CRISP2: variants seen among roughly 807,000 people sequenced by gnomAD.
CRISP2 encodes cysteine-rich secretory protein 2.
In CRISP2, 29 loss-of-function variants were observed where a neutral mutation model predicts 31.7. The ratio of observed to expected loss-of-function variants is 0.92; its 90% CI spans 0.68 to 1.25. CRISP2 has a LOEUF of 1.25. CRISP2 is among the 50% of genes most tolerant of loss of function. CRISP2 has a pLI of 0.00. For missense variants in CRISP2, 318 were observed against 286.5 expected (o/e 1.11, Z -0.79); for synonymous variants, 111 against 101.4 (o/e 1.09, Z -0.57).
At chr6:49,682,609 TTC>T in the CRISP2 span, among the ~76,000 whole-genome samples, 3 of 67,460 alleles carry the variant, frequency 4.4e-5, no homozygotes, top group Admixed American at 4.9e-4. Context: ...CTTTCTTTCT[TTC>T]TTTCTTTCTT....
intron 3 of CRISP2, 143 bp from the exon 4 acceptor site, chr6:49,709,348 G>T (rs1475695756): frequency 2.8e-6 from 2 of 708,286 alleles, no homozygotes; most frequent in Non-Finnish European, 2.3e-6. Context: ...AAGAAGAATT[G>T]CCCTATGGTA....
At position 49,692,581 on chromosome 6, in the gene CRISP2, G is replaced by A. The variant is rs962303513; in HGVS notation, c.*192C>T. 1 of 502,600 alleles carries A rather than the reference G, an allele frequency of 2.0e-6. No homozygotes were observed. Among genetic ancestry groups the A allele is most frequent in the Non-Finnish European group, 3.5e-6 (1 of 286,142 alleles). 31.1% of individuals were successfully genotyped at this position (502,600 alleles called of 1,614,324 possible). ...CACTAAATTTATGTCAGAGTTCACA[G>A]TTGTCATCATCTACTATGCTACTTT... On this transcript the variant is annotated 3_prime_UTR_variant, in exon 10 of 10. Coordinates refer to ENST00000339139, the MANE Select transcript of CRISP2 (RefSeq NM_003296.4).
At chr6:49,709,253 A>C in intron 3 of CRISP2, 48 bp from the exon 4 acceptor site, 2 of 1,534,734 alleles carry the variant, frequency 1.3e-6, no homozygotes, top group East Asian at 2.2e-5. Flanking sequence ...TAGTTTAAAA[A>C]ACTTCTAAGA....
rs1320113097 is a variant in CRISP2 at position 49,695,831 on chromosome 6, C to A, written c.604+5G>T. ...ATAATAGCAAGCTAATCACTTCAAA[C>A]TTACTGCATAGTCCTTTGTCACAGT... is the stretch of plus-strand genomic sequence containing the variant. On this transcript the variant is annotated splice_donor_5th_base_variant and intron_variant, in intron 9 of 9. Transcript: ENST00000339139. 1.9e-6 allele frequency: 3 copies of A among 1,595,460 alleles called. No individual in the cohort carries two copies. In the East Asian group the frequency reaches 6.7e-5, roughly 36 times the overall value.
At chr6:49,677,068 C>G in the CRISP2 span, among the ~76,000 whole-genome samples, 1 of 152,130 alleles carries the variant, frequency 6.6e-6, no homozygotes, top group Non-Finnish European at 1.5e-5. Flanking sequence ...AAAGGGCAAG[C>G]TGGCTTAATG....
intron 6 of CRISP2, 65 bp from the exon 7 acceptor site, chr6:49,698,572 A>T: frequency 6.6e-7 from 1 of 1,515,230 alleles, no homozygotes; most frequent in East Asian, 2.3e-5. Context: ...TTGACTACAC[A>T]AACACAAAGA....
chr6:49,689,365 T>C (rs1263537635), downstream of CRISP2, among the ~76,000 whole-genome samples: 1 of 152,194 alleles, frequency 6.6e-6, no homozygotes, highest in Non-Finnish European at 1.5e-5. Context: ...TACTTATGTT[T>C]TTATTATTTT....
the CRISP2 span, among the ~76,000 whole-genome samples, chr6:49,686,699 C>T: frequency 3.3e-5 from 5 of 152,190 alleles, no homozygotes; most frequent in African/African-American, 1.2e-4. Context: ...CATCCCATTA[C>T]TGGGTATATA....
chr6:49,685,884 T>TA, the CRISP2 span, among the ~76,000 whole-genome samples: 1 of 152,150 alleles, frequency 6.6e-6, no homozygotes, highest in Non-Finnish European at 1.5e-5. Flanking sequence ...TGTAAGACAT[T>TA]AATATAATTC....
chr6:49,681,283 T>C, the CRISP2 span, among the ~76,000 whole-genome samples: 2 of 152,198 alleles, frequency 1.3e-5, no homozygotes, highest in Non-Finnish European at 2.9e-5. Context: ...TTGTCAGATT[T>C]CTCAGAGATC....
chr6:49,702,892 CT>C (rs147735863), intron 4 of CRISP2, among the ~76,000 whole-genome samples: 5,057 of 152,056 alleles, frequency 0.033, 296 homozygotes, highest in African/African-American at 0.12. Context: ...AGACATTTGC[CT>C]TAAGCCAATG....
At chr6:49,683,167 T>TCTCA in the CRISP2 span, among the ~76,000 whole-genome samples, 3 of 122,520 alleles carry the variant, frequency 2.4e-5, no homozygotes, top group African/African-American at 4.5e-5. Flanking sequence ...TCAAAATAAA[T>TCTCA]AAATAAATAA....
the CRISP2 span, among the ~76,000 whole-genome samples, chr6:49,682,599 CTTTCTTTCTT>C: frequency 1.6e-5 from 1 of 62,408 alleles, no homozygotes; most frequent in East Asian, 9.3e-4. Context: ...TTCTTTCTTT[CTTTCTTTCTT>C]TCTTTCTTTC....
chr6:49,709,230 G>A, intron 3 of CRISP2, 25 bp from the exon 4 acceptor site: 1 of 1,608,354 alleles, frequency 6.2e-7, no homozygotes, highest in Non-Finnish European at 8.5e-7. Context: ...ACAAAGGTCT[G>A]CATTGAAATA....
chr6:49,684,194 T>C, the CRISP2 span, among the ~76,000 whole-genome samples: 2 of 152,268 alleles, frequency 1.3e-5, no homozygotes, highest in African/African-American at 4.8e-5. Flanking sequence ...CCTTTGAAGA[T>C]ACGAAAATCC....
At chr6:49,698,099 C>T (rs893803655) in intron 7 of CRISP2, 142 bp from the exon 8 acceptor site, 39 of 734,312 alleles carry the variant, frequency 5.3e-5, no homozygotes, top group Admixed American at 1.0e-4. Context: ...GAACCAAAGT[C>T]ATAAACTTTA....
chr6:49,697,807 A>C, intron 8 of CRISP2, 53 bp downstream of exon 8: 1 of 1,605,738 alleles, frequency 6.2e-7, no homozygotes, highest in Non-Finnish European at 8.5e-7. Context: ...GAATTATTAA[A>C]AAATAAATTG....
downstream of CRISP2, among the ~76,000 whole-genome samples, chr6:49,692,022 T>C (rs1407899845): frequency 8.0e-5 from 12 of 150,200 alleles, no homozygotes; most frequent in Admixed American, 7.9e-4. Flanking sequence ...ATTCCACTTG[T>C]TTGTTTTCTT....
chr6:49,680,763 C>T, the CRISP2 span, among the ~76,000 whole-genome samples: 1 of 152,136 alleles, frequency 6.6e-6, no homozygotes, highest in African/African-American at 2.4e-5. Flanking sequence ...TGATGTTGAA[C>T]TTTTTTGGTA....
Sources: gnomAD v4.1 joint callset for allele counts (sites outside exome capture counted in the v4.1 genomes callset) on GRCh38, gnomAD v4.1.1 for gene constraint, MANE v1.5 for transcripts, NCBI Gene and HGNC (gene_info 2026-07-23, HGNC 2026-07-21) for gene names.